The following MAP4K5 variants were observed in gnomAD, a reference collection of about 807,000 sequenced individuals.
The protein encoded by MAP4K5 is mitogen-activated protein kinase kinase kinase kinase 5.
Under a neutral mutation model 135.6 loss-of-function variants are expected in MAP4K5, and 82 were observed. That is an observed-to-expected ratio of 0.60 (90% CI 0.51 to 0.73). The LOEUF (loss-of-function observed/expected upper bound fraction) is 0.73. Ranked by LOEUF, MAP4K5 falls within the 30% of genes least tolerant of loss-of-function variation. The probability of loss-of-function intolerance (pLI) is 0.00; values close to 1 mark genes in which losing one functional copy is unlikely to be tolerated. For synonymous variants in MAP4K5, 347 were observed against 335.0 expected (o/e 1.04, Z -0.39); for missense variants, 907 against 1,010.9 (o/e 0.90, Z 1.39).
At chr14:50,488,862 G>C (rs2037423512) in intron 3 of MAP4K5, among the ~76,000 whole-genome samples, 1 of 152,146 alleles carries the variant, frequency 6.6e-6, no homozygotes, top group African/African-American at 2.4e-5. Flanking sequence ...AAACTTTAAT[G>C]CAAAGAGAGT....
intron 2 of MAP4K5, among the ~76,000 whole-genome samples, chr14:50,506,916 C>T (rs988980385): frequency 2.6e-5 from 4 of 152,174 alleles, no homozygotes; most frequent in African/African-American, 4.8e-5. Context: ...CTGTTAGCCT[C>T]ACGTCTTCTT....
Position 50,444,035 on chromosome 14 carries a change from T to TC in MAP4K5, c.1340dup (p.Asn448LysfsTer3). ...TCAGTTTTGAAATACCATCACCATT[T>TC]CCTAAAGAGAATCATGTTAAAAGTT... is the stretch of plus-strand genomic sequence containing the variant. On this transcript the variant is annotated frameshift_variant and splice_region_variant, in exon 19 of 33. Transcript: ENST00000682126. LOFTEE classifies it high-confidence loss of function. 6.3e-7 allele frequency: 1 copy of TC among 1,590,736 alleles called. No individual in the cohort carries two copies. Among genetic ancestry groups the TC allele is most frequent in the Non-Finnish European group, 8.6e-7 (1 of 1,164,986 alleles).
chr14:50,433,572 T>C (rs1361225347), intron 28 of MAP4K5, among the ~76,000 whole-genome samples: 1 of 152,214 alleles, frequency 6.6e-6, no homozygotes, highest in Admixed American at 6.5e-5. Flanking sequence ...TATATTATAA[T>C]GAGTTCTTGT....
At position 50,440,029 on chromosome 14, in the gene MAP4K5, A is replaced by C. The variant is rs1356144478; in HGVS notation, c.1689T>G (p.Thr563=). The change falls in exon 23 of 33, where the codon ACT becomes ACG. Residue 563 remains threonine, a synonymous_variant. Coordinates refer to ENST00000682126, the MANE Select transcript of MAP4K5 (RefSeq NM_006575.6). ...KCTWLYVINN[T]LMSLSEGKTF... ...CATACATACCTGATAATGACATTAA[A>C]GTATTATTGATAACATACAGCCAAG... is the stretch of plus-strand genomic sequence containing the variant. 1 of 1,553,768 alleles carries C rather than the reference A, an allele frequency of 6.4e-7. No homozygotes were observed. The highest frequency in any genetic ancestry group is 8.8e-7 in the Non-Finnish European group (1 of 1,139,222).
intron 6 of MAP4K5, among the ~76,000 whole-genome samples, chr14:50,480,903 G>A (rs1486474506): frequency 6.6e-6 from 1 of 152,016 alleles, no homozygotes; most frequent in African/African-American, 2.4e-5. Context: ...CATAGAAAAG[G>A]TACAGTAAAA....
At chr14:50,441,793 CACACATAT>C (rs1431245324) in intron 21 of MAP4K5, among the ~76,000 whole-genome samples, 5 of 119,948 alleles carry the variant, frequency 4.2e-5, no homozygotes, top group South Asian at 2.8e-4. Flanking sequence ...CACACACACA[CACACATAT>C]ATATACCCCC....
upstream of MAP4K5, among the ~76,000 whole-genome samples, chr14:50,533,578 A>T (rs965536775): frequency 5.3e-5 from 8 of 152,206 alleles, no homozygotes; most frequent in African/African-American, 1.2e-4. Flanking sequence ...TTAAGTTGCC[A>T]GTGTTACATT....
rs372115468 is a variant in MAP4K5, at chr14:50,482,152, A to G, written c.378+209T>C. On this transcript the variant is annotated intron_variant, in intron 6 of 32. Coordinates refer to ENST00000682126, the MANE Select transcript of MAP4K5 (RefSeq NM_006575.6). ...ACTGTATATGTCGGCATCAGCTTAA[A>G]TGAATTCATGTGATTCATTCATGAA... 1.1e-3 allele frequency among the ~76,000 whole-genome samples: 170 copies of G among 152,356 alleles called. 2 individuals are homozygous for G. The South Asian group carries it at 0.033, about 29-fold the overall frequency.
chr14:50,538,365 G>A (rs2038519625), intron 2 of MAP4K5, among the ~76,000 whole-genome samples: 1 of 152,186 alleles, frequency 6.6e-6, no homozygotes, highest in Non-Finnish European at 1.5e-5. Flanking sequence ...TTTATCAGCA[G>A]TGTGAAAATG....
At chr14:50,499,749 T>A (rs1203889784) in intron 3 of MAP4K5, among the ~76,000 whole-genome samples, 8 of 152,040 alleles carry the variant, frequency 5.3e-5, no homozygotes, top group Admixed American at 5.2e-4. Flanking sequence ...AAACAAAGTT[T>A]CTTGAAATAA....
At chr14:50,448,068 C>T (rs532107388) in intron 15 of MAP4K5, among the ~76,000 whole-genome samples, 55 of 152,140 alleles carry the variant, frequency 3.6e-4, no homozygotes, top group African/African-American at 1.3e-3. Context: ...GGATGGAGTG[C>T]AGTAGCTTGA....
chr14:50,484,006 G>A (rs532265560), intron 5 of MAP4K5, among the ~76,000 whole-genome samples: 1 of 152,150 alleles, frequency 6.6e-6, no homozygotes, highest in South Asian at 2.1e-4. Flanking sequence ...GATTACAGGT[G>A]CCTGCCACCA....
intron 3 of MAP4K5, among the ~76,000 whole-genome samples, chr14:50,499,109 T>C (rs2037653083): frequency 3.3e-5 from 5 of 151,996 alleles, no homozygotes; most frequent in Admixed American, 3.3e-4. Flanking sequence ...TCCACTGATT[T>C]TCCACAAAAA....
chr14:50,485,742 C>T lies in MAP4K5; in HGVS notation c.258-100G>A, dbSNP rs939681697. ...TTAGCACACCAGGGTTCAGAATGGACTGTGAAGTGCAACAGGAAACTGCTA... is the reference window on the plus strand; with the variant it reads ...TTAGCACACCAGGGTTCAGAATGGATTGTGAAGTGCAACAGGAAACTGCTA... On this transcript the variant is annotated intron_variant, in intron 4 of 32. Transcript: ENST00000682126. 3.8e-5 allele frequency: 26 copies of T among 686,506 alleles called. No individual in the cohort carries two copies. The Middle Eastern group carries it at 2.3e-3, about 61-fold the overall frequency. 42.5% of individuals were successfully genotyped at this position (686,506 alleles called of 1,614,324 possible). A position where few individuals can be genotyped will look rare whatever the true frequency, so the allele number is the denominator to read the frequency against.
intron 14 of MAP4K5, among the ~76,000 whole-genome samples, chr14:50,454,296 T>C (rs2036553857): frequency 1.3e-5 from 2 of 152,134 alleles, no homozygotes; most frequent in Admixed American, 6.6e-5. Context: ...AGAAAACTGA[T>C]TGTGAAGGCT....
intron 2 of MAP4K5, among the ~76,000 whole-genome samples, chr14:50,511,677 C>T (rs1401436541): frequency 3.3e-5 from 5 of 151,958 alleles, no homozygotes; most frequent in Non-Finnish European, 7.4e-5. Flanking sequence ...GAATCTTACC[C>T]ATATGTACAA....
chr14:50,461,763 A>G (rs1225352568), intron 13 of MAP4K5, among the ~76,000 whole-genome samples: 1 of 152,084 alleles, frequency 6.6e-6, no homozygotes, highest in African/African-American at 2.4e-5. Flanking sequence ...TACTAAAAAT[A>G]CAAAAATTAG....
rs2036780953 is a variant in MAP4K5, at chr14:50,464,223, A to G, written c.738-90T>C. On this transcript the variant is annotated intron_variant, in intron 11 of 32. Coordinates refer to ENST00000682126, the MANE Select transcript of MAP4K5 (RefSeq NM_006575.6). ...CATTAACTTAGGAACAGTTAGTCTAAAACACCATGATTTTTTATTGGGCCA... is the reference window on the plus strand; with the variant it reads ...CATTAACTTAGGAACAGTTAGTCTAGAACACCATGATTTTTTATTGGGCCA... The G allele has an allele frequency of 4.6e-6, 3 of 653,152 alleles. No homozygotes were observed. In the South Asian group the frequency reaches 5.7e-5, roughly 12 times the overall value. 40.5% of individuals were successfully genotyped at this position (653,152 alleles called of 1,614,324 possible).
Position 50,519,685 on chromosome 14 carries a change from T to TAAAAAA in MAP4K5, c.108+12251_108+12256dup, listed in dbSNP as rs145132781. Among the ~76,000 whole-genome samples the TAAAAAA allele has an allele frequency of 5.9e-5, 9 of 151,674 alleles. No individual in the cohort carries two copies. In the East Asian group the frequency reaches 1.7e-3, roughly 29 times the overall value. On this transcript the variant is annotated intron_variant, in intron 2 of 32. Coordinates refer to ENST00000682126, the MANE Select transcript of MAP4K5 (RefSeq NM_006575.6). ...TAAATAAAATAAATAAAAATAAAAA[T>TAAAAAA]AAAAAATGAACATGTATCACTTAAA...
Sources: allele counts gnomAD v4.1 joint callset (sites outside exome capture counted in the v4.1 genomes callset), GRCh38; gene constraint gnomAD v4.1.1; transcripts MANE v1.5; gene names NCBI Gene and HGNC (gene_info 2026-07-23, HGNC 2026-07-21).